The following SETD9 variants were observed in gnomAD, a reference collection of about 807,000 sequenced individuals.
SETD9 encodes SET domain containing 9.
Under a neutral mutation model 36.4 loss-of-function variants are expected in SETD9, and 37 were observed. The ratio of observed to expected loss-of-function variants is 1.02; its 90% confidence interval spans 0.78 to 1.34. SETD9 has a LOEUF of 1.34. SETD9 is among the 40% of genes most tolerant of loss of function. The probability of loss-of-function intolerance (pLI) is 0.00; values close to 1 mark genes in which losing one functional copy is unlikely to be tolerated. For missense variants in SETD9, 323 were observed against 353.2 expected, an observed-to-expected ratio of 0.91 and a Z score of 0.69; for synonymous variants, 128 against 132.9, an observed-to-expected ratio of 0.96 and a Z score of 0.26.
At chr5:56,921,555 A>C (rs1160421062), downstream of SETD9, 1 of 152,650 alleles carries the variant, frequency 6.6e-6, no homozygotes, top group African/African-American at 2.4e-5. Flanking sequence ...TGCTGCAAAG[A>C]AAAACAAGAA....
Position 56,910,455 on chromosome 5 carries a change from A to G in SETD9, c.98+712A>G. 3.2e-6 allele frequency: 4 copies of G among 1,236,036 alleles called. No homozygotes were observed. The South Asian group carries it at 5.3e-5, about 16-fold the overall frequency. 76.6% of individuals were successfully genotyped at this position (1,236,036 alleles called of 1,614,324 possible). On this transcript the variant is annotated intron_variant, in intron 1 of 5. Coordinates refer to ENST00000285947, the MANE Select transcript of SETD9 (RefSeq NM_153706.4). Reference sequence around the variant, plus strand: ...GATCAGCTCAACACCGTGCTCACCAAAGAGGCCGACCGGGCCTCCCTGAAG... The same window carrying G: ...GATCAGCTCAACACCGTGCTCACCAGAGAGGCCGACCGGGCCTCCCTGAAG...
At chr5:56,918,558 T>G (rs943785571), downstream of SETD9, among the ~76,000 whole-genome samples, 1 of 152,230 alleles carries the variant, frequency 6.6e-6, no homozygotes, top group African/African-American at 2.4e-5. Flanking sequence ...CTGAAAATAC[T>G]CTGAGCTCTC....
intron 1 of SETD9, chr5:56,910,353 C>T: frequency 7.7e-7 from 1 of 1,304,210 alleles, no homozygotes; most frequent in South Asian, 1.2e-5. Context: ...ACGGGCAGAA[C>T]GCCACTCAAA....
At chr5:56,909,803 G>C in intron 1 of SETD9, 60 bp downstream of exon 1, 2 of 1,516,764 alleles carry the variant, frequency 1.3e-6, no homozygotes, top group Non-Finnish European at 1.8e-6. Flanking sequence ...ACGCCACCAC[G>C]GCGGCGGGAC....
chr5:56,911,254 G>T lies in SETD9; in HGVS notation c.184G>T (p.Ala62Ser). Residue 62 changes from alanine (A) to serine (S), a missense_variant, in exon 2 of 6, where the codon GCT becomes TCT. Ala to Ser is a moderately conservative substitution (Grantham distance 99, BLOSUM62 1). Coordinates refer to ENST00000285947, the MANE Select transcript of SETD9 (RefSeq NM_153706.4). ...VLGTLLKVFQ[A>S]LFLNDFNKQS... ...AGGAACATTACTGAAAGTTTTCCAG[G>T]CTCTATTCTTAAATGATTTCAATAA... is the stretch of plus-strand genomic sequence containing the variant. 1 of 1,608,388 alleles carries T rather than the reference G, an allele frequency of 6.2e-7. No individual in the cohort carries two copies. The highest frequency in any genetic ancestry group is 8.5e-7 in the Non-Finnish European group (1 of 1,177,920).
downstream of SETD9, among the ~76,000 whole-genome samples, chr5:56,919,287 G>A (rs528415563): frequency 4.6e-5 from 7 of 151,946 alleles, no homozygotes; most frequent in East Asian, 1.2e-3. Context: ...CACCTCGCTC[G>A]GCTGATTTTT....
intron 5 of SETD9, chr5:56,923,382 G>C: frequency 6.2e-7 from 1 of 1,614,120 alleles, no homozygotes; most frequent in Non-Finnish European, 8.5e-7. Flanking sequence ...ATGTTCATAG[G>C]GTTTAGCTCC....
chr5:56,916,122 G>A (rs1230509403), intron 5 of SETD9, among the ~76,000 whole-genome samples: 2 of 152,106 alleles, frequency 1.3e-5, no homozygotes, highest in African/African-American at 4.8e-5. Flanking sequence ...GGCTGGGTGC[G>A]GTGGCTCATG....
chr5:56,924,212 G>T (rs1749840959), intron 5 of SETD9, among the ~76,000 whole-genome samples: 1 of 151,866 alleles, frequency 6.6e-6, no homozygotes, highest in African/African-American at 2.4e-5. Context: ...TTAGTGGAAT[G>T]CCTTTACATT....
chr5:56,923,451 G>C, intron 5 of SETD9: 1 of 1,614,178 alleles, frequency 6.2e-7, no homozygotes, highest in South Asian at 1.1e-5. Context: ...TTGCTGGGCA[G>C]GGTGAGTAAC....
At chr5:56,909,804 G>C (rs1749003812) in intron 1 of SETD9, 61 bp downstream of exon 1, 1 of 1,501,710 alleles carries the variant, frequency 6.7e-7, no homozygotes, top group Admixed American at 1.8e-5. Context: ...CGCCACCACG[G>C]CGGCGGGACG....
At chr5:56,925,160 C>A (rs1312181537) in intron 5 of SETD9, among the ~76,000 whole-genome samples, 19 of 152,080 alleles carry the variant, frequency 1.2e-4, no homozygotes, top group Admixed American at 1.1e-3. Context: ...TTAAAAATGT[C>A]TTAAATTATA....
intron 1 of SETD9, chr5:56,910,475 CT>C: frequency 8.7e-7 from 1 of 1,143,760 alleles, no homozygotes; most frequent in Non-Finnish European, 1.1e-6. Context: ...CCGGGCCTCC[CT>C]GAAGTCAGTG....
chr5:56,910,347 G>T, intron 1 of SETD9: 1 of 1,304,288 alleles, frequency 7.7e-7, no homozygotes, highest in Non-Finnish European at 1.0e-6. Context: ...TTAAGAACGG[G>T]CAGAACGCCA....
At chr5:56,910,123 G>T in intron 1 of SETD9, 1 of 1,239,346 alleles carries the variant, frequency 8.1e-7, no homozygotes, top group East Asian at 5.0e-5. Flanking sequence ...GGCACTGACT[G>T]GGGAGCTTGT....
downstream of SETD9, chr5:56,927,762 T>C (rs773099646): frequency 6.6e-6 from 1 of 152,212 alleles, no homozygotes; most frequent in African/African-American, 2.4e-5. Flanking sequence ...CTCTTGATGA[T>C]GTACATTCTA....
In SETD9 at chr5:56,911,180, A is replaced by G. The variant is rs200712084; in HGVS notation, c.110A>G (p.Tyr37Cys). 16 of 1,543,028 alleles carry G rather than the reference A, an allele frequency of 1.0e-5. No individual in the cohort carries two copies. In the East Asian group the frequency reaches 2.5e-4, roughly 24 times the overall value. The change falls in exon 2 of 6, where the codon TAT becomes TGT. Residue 37 changes from tyrosine to cysteine, a missense_variant. Transcript: ENST00000285947. ...NLSHNPRTLR[Y>C]VPEESKDKVI... ...TTTCCCATTTTCAGGACCCTCCGAT[A>G]TGTTCCAGAGGAATCCAAAGACAAA...
chr5:56,915,230 A>G (rs553994288), intron 5 of SETD9, among the ~76,000 whole-genome samples: 1 of 152,274 alleles, frequency 6.6e-6, no homozygotes, highest in South Asian at 2.1e-4. Flanking sequence ...AGTTTTTTCA[A>G]ATAATTCTGT....
At chr5:56,928,804 A>C (rs1465935326), downstream of SETD9, 2 of 1,613,672 alleles carry the variant, frequency 1.2e-6, no homozygotes, top group African/African-American at 2.7e-5. Context: ...TTTTCCAAAA[A>C]GCATGAGTGC....
Sources: gnomAD v4.1 joint callset for allele counts (sites outside exome capture counted in the v4.1 genomes callset) on GRCh38, gnomAD v4.1.1 for gene constraint, MANE v1.5 for transcripts, NCBI Gene and HGNC (gene_info 2026-07-23, HGNC 2026-07-21) for gene names.